AGBL1: variants seen among roughly 807,000 people sequenced by gnomAD.
AGBL1 encodes AGBL carboxypeptidase 1.
In AGBL1, 130 loss-of-function variants were observed where a neutral mutation model predicts 118.9. The observed-to-expected ratio is 1.09, with a 90% confidence interval of 0.95 to 1.26. The LOEUF (loss-of-function observed/expected upper bound fraction) is 1.26. Among genes scored for constraint, AGBL1 ranks in the 50% most tolerant of loss-of-function variants. AGBL1 has a pLI of 0.00. For synonymous variants in AGBL1, 555 were observed against 478.9 expected (o/e 1.16, Z -2.08); for missense variants, 1,584 against 1,298.1 (o/e 1.22, Z -3.38).
At chr15:86,310,041 G>A (rs980575445) in intron 17 of AGBL1, among the ~76,000 whole-genome samples, 5 of 152,248 alleles carry the variant, frequency 3.3e-5, no homozygotes, top group South Asian at 2.1e-4. Flanking sequence ...ATTTACCAGC[G>A]AAGCCATCAG....
At chr15:86,884,480 A>C (rs970005722) in intron 22 of AGBL1, among the ~76,000 whole-genome samples, 59 of 152,266 alleles carry the variant, frequency 3.9e-4, no homozygotes, top group Non-Finnish European at 1.9e-4. Context: ...GAAACTGTAG[A>C]TAAAAGGAGA....
At chr15:86,426,370 G>A (rs1252204917) in intron 18 of AGBL1, among the ~76,000 whole-genome samples, 1 of 152,148 alleles carries the variant, frequency 6.6e-6, no homozygotes, top group Non-Finnish European at 1.5e-5. Context: ...TCTTTTCCCA[G>A]GTCTGTCAAA....
At chr15:86,561,635 G>C (rs1283457389) in intron 21 of AGBL1, among the ~76,000 whole-genome samples, 1 of 152,126 alleles carries the variant, frequency 6.6e-6, no homozygotes, top group Non-Finnish European at 1.5e-5. Context: ...TTGGCAATGC[G>C]GGCTCTTTTT....
chr15:86,509,451 G>A (rs916083436), intron 18 of AGBL1, among the ~76,000 whole-genome samples: 1 of 152,108 alleles, frequency 6.6e-6, no homozygotes, highest in Non-Finnish European at 1.5e-5. Flanking sequence ...CTGGTGAGAT[G>A]AGACTAGTTT....
intron 17 of AGBL1, among the ~76,000 whole-genome samples, chr15:86,391,077 T>G (rs1321592271): frequency 1.3e-5 from 2 of 151,154 alleles, no homozygotes; most frequent in Admixed American, 1.3e-4. Context: ...GTGAAAGGAT[T>G]GCCTGCAAAG....
At chr15:86,761,387 C>A (rs1450807328) in intron 22 of AGBL1, among the ~76,000 whole-genome samples, 2 of 152,050 alleles carry the variant, frequency 1.3e-5, no homozygotes, top group Non-Finnish European at 2.9e-5. Context: ...ATTCATGCAG[C>A]TGAGACAAGG....
At chr15:86,502,278 C>A (rs1459734328) in intron 18 of AGBL1, among the ~76,000 whole-genome samples, 1 of 151,366 alleles carries the variant, frequency 6.6e-6, no homozygotes, top group East Asian at 1.9e-4. Context: ...GATATTTGTG[C>A]ATTAATCTTA....
intron 23 of AGBL1, among the ~76,000 whole-genome samples, chr15:86,928,985 CT>C (rs1336543304): frequency 6.6e-6 from 1 of 151,942 alleles, no homozygotes; most frequent in Non-Finnish European, 1.5e-5. Flanking sequence ...ATCTCCAGAA[CT>C]TTTTTTTAAT....
At chr15:86,873,816 T>A (rs1446961753) in intron 22 of AGBL1, among the ~76,000 whole-genome samples, 1 of 151,988 alleles carries the variant, frequency 6.6e-6, no homozygotes, top group African/African-American at 2.4e-5. Context: ...TAAATATTAC[T>A]ACCTCTTTTG....
chr15:86,401,236 T>C (rs2081440017), intron 18 of AGBL1, among the ~76,000 whole-genome samples: 1 of 152,198 alleles, frequency 6.6e-6, no homozygotes, highest in South Asian at 2.1e-4. Context: ...TTTCATATGT[T>C]TGTTGGCTAC....
At chr15:86,172,070 A>G (rs2077424040) in intron 5 of AGBL1, among the ~76,000 whole-genome samples, 1 of 152,190 alleles carries the variant, frequency 6.6e-6, no homozygotes, top group Admixed American at 6.5e-5. Flanking sequence ...GGGATAAAAG[A>G]CTACGCATTG....
intron 23 of AGBL1, among the ~76,000 whole-genome samples, chr15:86,984,970 G>A (rs11630749): frequency 0.81 from 123,737 of 151,912 alleles, 50,996 homozygotes; most frequent in South Asian, 0.94. Context: ...TAGGTTTTTC[G>A]ATTTATAAAT....
chr15:86,156,880 C>G (rs1164967991), intron 4 of AGBL1, among the ~76,000 whole-genome samples: 3 of 150,286 alleles, frequency 2.0e-5, no homozygotes, highest in African/African-American at 7.4e-5. Context: ...GCCTCTGCCT[C>G]CTGGGTTCAA....
intron 23 of AGBL1, among the ~76,000 whole-genome samples, chr15:86,961,417 G>A (rs1220571892): frequency 6.6e-6 from 1 of 151,928 alleles, no homozygotes; most frequent in East Asian, 1.9e-4. Flanking sequence ...TAAGTGCTAT[G>A]CCAAACTTCT....
At chr15:86,189,670 G>T (rs1201432302) in intron 5 of AGBL1, among the ~76,000 whole-genome samples, 1 of 151,958 alleles carries the variant, frequency 6.6e-6, no homozygotes, top group Non-Finnish European at 1.5e-5. Flanking sequence ...GCACATTCTG[G>T]CTCCCCTTCA....
chr15:86,462,663 T>C (rs1596144777), intron 18 of AGBL1, among the ~76,000 whole-genome samples: 1 of 152,226 alleles, frequency 6.6e-6, no homozygotes, highest in South Asian at 2.1e-4. Context: ...CAACTCCTAC[T>C]TATCAGTGAG....
chr15:86,366,195 T>TGG (rs2080885249), intron 17 of AGBL1, among the ~76,000 whole-genome samples: 1 of 152,164 alleles, frequency 6.6e-6, no homozygotes, highest in East Asian at 1.9e-4. Flanking sequence ...TTCATTCAGC[T>TGG]CCATTTCTTA....
chr15:86,720,899 A>G (rs1302061097), intron 22 of AGBL1, among the ~76,000 whole-genome samples: 2 of 152,246 alleles, frequency 1.3e-5, no homozygotes, highest in Admixed American at 1.3e-4. Flanking sequence ...GAAAATCTAG[A>G]AGAAATGGAT....
chr15:86,662,469 G>A (rs1261552374), intron 21 of AGBL1, among the ~76,000 whole-genome samples: 2 of 152,202 alleles, frequency 1.3e-5, no homozygotes, highest in Non-Finnish European at 2.9e-5. Context: ...TTAGATCCCA[G>A]AGAGCTGACT....
Sources: gnomAD v4.1 joint callset for allele counts (sites outside exome capture counted in the v4.1 genomes callset) on GRCh38, gnomAD v4.1.1 for gene constraint, MANE v1.5 for transcripts, NCBI Gene and HGNC (gene_info 2026-07-23, HGNC 2026-07-21) for gene names.